TBC1D22A: variants seen among roughly 807,000 people sequenced by gnomAD.
TBC1D22A encodes the protein putative GTPase activator.
Under a neutral mutation model 60.2 loss-of-function variants are expected in TBC1D22A, and 38 were observed. The observed-to-expected ratio is 0.63, with a 90% confidence interval of 0.49 to 0.83. The LOEUF is 0.83. Ranked by LOEUF, TBC1D22A falls within the 40% of genes least tolerant of loss-of-function variation. The pLI is 0.00. For synonymous variants in TBC1D22A, 302 were observed against 281.7 expected (o/e 1.07, Z -0.72); for missense variants, 628 against 701.0 (o/e 0.90, Z 1.18).
chr22:47,144,647 C>T (rs1008818367), intron 12 of TBC1D22A, among the ~76,000 whole-genome samples: 1 of 152,258 alleles, frequency 6.6e-6, no homozygotes, highest in Non-Finnish European at 1.5e-5. Context: ...GTTACTGTCT[C>T]CAGTCAGCAC....
At position 46,856,818 on chromosome 22, in the gene TBC1D22A, T is replaced by C. The variant is rs1013781714; in HGVS notation, c.638-21835T>C. On this transcript the variant is annotated intron_variant, in intron 4 of 12. Coordinates refer to ENST00000337137, the MANE Select transcript of TBC1D22A (RefSeq NM_014346.5). ...TATTATTAGACATTTAGATCTTTTTTTGATGTATAAATAATGCTGTGATGA... is the reference window on the plus strand; with the variant it reads ...TATTATTAGACATTTAGATCTTTTTCTGATGTATAAATAATGCTGTGATGA... 2.0e-5 allele frequency among the ~76,000 whole-genome samples: 3 copies of C among 152,262 alleles called. No individual in the cohort carries two copies. In the South Asian group the frequency reaches 6.2e-4, roughly 32 times the overall value.
At chr22:46,982,739 TGAA>T (rs934007873) in intron 9 of TBC1D22A, among the ~76,000 whole-genome samples, 1 of 152,032 alleles carries the variant, frequency 6.6e-6, no homozygotes, top group African/African-American at 2.4e-5. Flanking sequence ...TGTATTTGGA[TGAA>T]GGAGGGGATT....
At chr22:46,854,649 A>G (rs1219430610) in intron 4 of TBC1D22A, among the ~76,000 whole-genome samples, 1 of 151,842 alleles carries the variant, frequency 6.6e-6, no homozygotes, top group Non-Finnish European at 1.5e-5. Flanking sequence ...CTGCCCAGGC[A>G]TTGAAGTAGC....
At chr22:46,848,491 G>A (rs1021115537) in intron 4 of TBC1D22A, among the ~76,000 whole-genome samples, 1 of 152,210 alleles carries the variant, frequency 6.6e-6, no homozygotes, top group African/African-American at 2.4e-5. Flanking sequence ...AGAGCAGCCT[G>A]TATGGTTCTC....
At chr22:46,944,977 C>T (rs957161303) in intron 8 of TBC1D22A, among the ~76,000 whole-genome samples, 2 of 152,152 alleles carry the variant, frequency 1.3e-5, no homozygotes, top group Non-Finnish European at 2.9e-5. Context: ...CAATTTCTGT[C>T]ATCTTGTGCC....
chr22:46,998,220 A>G (rs922525663), intron 10 of TBC1D22A, among the ~76,000 whole-genome samples: 2 of 152,098 alleles, frequency 1.3e-5, no homozygotes, highest in Non-Finnish European at 2.9e-5. Flanking sequence ...TTTTGCCTTC[A>G]TCTTTAAAAT....
At chr22:47,102,281 C>CTTGT (rs1285319886) in intron 11 of TBC1D22A, among the ~76,000 whole-genome samples, 1 of 152,202 alleles carries the variant, frequency 6.6e-6, no homozygotes, top group Non-Finnish European at 1.5e-5. Context: ...CCTTGCGCTA[C>CTTGT]GCACCTCCCT....
At chr22:47,167,268 C>T (rs1398095093) in intron 12 of TBC1D22A, among the ~76,000 whole-genome samples, 1 of 152,250 alleles carries the variant, frequency 6.6e-6, no homozygotes, top group Non-Finnish European at 1.5e-5. Context: ...GTGCCTGGCT[C>T]ATCGTGGGCA....
In TBC1D22A at chr22:47,074,978, C is replaced by G. The variant is rs1178702430; in HGVS notation, c.1330-36530C>G. Among the ~76,000 whole-genome samples the G allele has an allele frequency of 2.0e-5, 3 of 152,192 alleles. No homozygotes were observed. The East Asian group carries it at 5.8e-4, about 29-fold the overall frequency. On this transcript the variant is annotated intron_variant, in intron 11 of 12. Coordinates refer to ENST00000337137, the MANE Select transcript of TBC1D22A (RefSeq NM_014346.5). ...GTGGCTCACGCCTGTAATCCCACCACTTTGGGAGGCCAAGGCAGGCAGATC... is the reference window on the plus strand; with the variant it reads ...GTGGCTCACGCCTGTAATCCCACCAGTTTGGGAGGCCAAGGCAGGCAGATC...
At chr22:47,155,419 A>T (rs895975473) in intron 12 of TBC1D22A, among the ~76,000 whole-genome samples, 1 of 151,930 alleles carries the variant, frequency 6.6e-6, no homozygotes, top group African/African-American at 2.4e-5. Flanking sequence ...ACGTCACAAG[A>T]TTTTCAAACT....
chr22:46,768,481 T>C (rs1395384610), intron 1 of TBC1D22A, among the ~76,000 whole-genome samples: 4 of 77,526 alleles, frequency 5.2e-5, no homozygotes, highest in Non-Finnish European at 9.7e-5. Flanking sequence ...CGAGACTCTG[T>C]CTCAAAAAAA....
chr22:46,788,691 C>T (rs369359339), intron 1 of TBC1D22A, among the ~76,000 whole-genome samples: 2 of 152,338 alleles, frequency 1.3e-5, no homozygotes, highest in African/African-American at 4.8e-5. Context: ...TTCAGGTCAT[C>T]TTCAGTTTGA....
At chr22:46,969,057 C>T (rs193118577) in intron 8 of TBC1D22A, among the ~76,000 whole-genome samples, 4 of 151,952 alleles carry the variant, frequency 2.6e-5, no homozygotes, top group Non-Finnish European at 4.4e-5. Flanking sequence ...GCCAGCAGCA[C>T]CCCCCACCCT....
chr22:46,987,697 A>T (rs1208040587), intron 9 of TBC1D22A, among the ~76,000 whole-genome samples: 1 of 152,216 alleles, frequency 6.6e-6, no homozygotes, highest in African/African-American at 2.4e-5. Flanking sequence ...AGCAAGTTGT[A>T]ATCTTTTTCC....
chr22:47,130,034 G>A (rs1428941455), intron 12 of TBC1D22A, among the ~76,000 whole-genome samples: 3 of 152,220 alleles, frequency 2.0e-5, no homozygotes, highest in Non-Finnish European at 4.4e-5. Flanking sequence ...TGAGGCTCCT[G>A]GGGTGGTGTG....
At chr22:47,036,978 C>G in intron 10 of TBC1D22A, 93 bp from the exon 11 acceptor site, 1 of 1,518,180 alleles carries the variant, frequency 6.6e-7, no homozygotes, top group Non-Finnish European at 9.0e-7. Flanking sequence ...GGTTCTGAGG[C>G]GGGCGCAGGC....
intron 6 of TBC1D22A, 111 bp from the exon 7 acceptor site, chr22:46,894,673 C>T (rs1464654886): frequency 5.2e-5 from 65 of 1,240,996 alleles, no homozygotes; most frequent in South Asian, 2.3e-4. Flanking sequence ...AAGGAGAGAG[C>T]GGGGTAGAGG....
At chr22:47,080,811 A>G (rs2064431332) in intron 11 of TBC1D22A, among the ~76,000 whole-genome samples, 1 of 152,126 alleles carries the variant, frequency 6.6e-6, no homozygotes, top group Non-Finnish European at 1.5e-5. Flanking sequence ...GATCAACAAA[A>G]TCAAAAAATC....
At chr22:47,005,440 T>A (rs2061555046) in intron 10 of TBC1D22A, among the ~76,000 whole-genome samples, 1 of 150,864 alleles carries the variant, frequency 6.6e-6, no homozygotes, top group Admixed American at 6.6e-5. Context: ...CACACACCCT[T>A]ATACACACAT....
Sources: gnomAD v4.1 joint callset for allele counts (sites outside exome capture counted in the v4.1 genomes callset) on GRCh38, gnomAD v4.1.1 for gene constraint, MANE v1.5 for transcripts, NCBI Gene and HGNC (gene_info 2026-07-23, HGNC 2026-07-21) for gene names.